Variants in SAMSN1 observed in about 807,000 individuals in gnomAD.
The protein encoded by SAMSN1 is SAM domain-containing protein SAMSN-1.
Under a neutral mutation model 42.0 loss-of-function variants are expected in SAMSN1, and 31 were observed. The observed-to-expected ratio is 0.74, with a 90% CI of 0.55 to 1.00. SAMSN1 has a LOEUF of 1.00. Among genes scored for constraint, SAMSN1 ranks in the 50% least tolerant of loss-of-function variants. SAMSN1 has a pLI of 0.00. For synonymous variants in SAMSN1, 178 were observed against 151.9 expected, an observed-to-expected ratio of 1.17 and a Z score of -1.26; for missense variants, 464 against 439.4, an observed-to-expected ratio of 1.06 and a Z score of -0.50.
intron 1 of SAMSN1, among the ~76,000 whole-genome samples, chr21:14,539,238 A>G (rs930414295): frequency 1.3e-5 from 2 of 152,244 alleles, no homozygotes; most frequent in African/African-American, 4.8e-5. Flanking sequence ...ACAATAAGAC[A>G]GGGATGCCCT....
intron 1 of SAMSN1, among the ~76,000 whole-genome samples, chr21:14,647,929 C>A (rs1039880024): frequency 6.6e-6 from 1 of 151,658 alleles, no homozygotes; most frequent in Non-Finnish European, 1.5e-5. Flanking sequence ...ATGTCGTCTG[C>A]GAACAGGGAC....
chr21:14,500,611 G>A lies in SAMSN1; in HGVS notation c.686C>T (p.Pro229Leu). 2 of 1,614,012 alleles carry A rather than the reference G, an allele frequency of 1.2e-6. No individual in the cohort carries two copies. The highest frequency in any genetic ancestry group is 1.1e-5 in the South Asian group (1 of 91,070). The change falls in exon 6 of 8, where the codon CCC (proline) becomes CTC (leucine). Residue 229 changes from proline to leucine, a missense_variant. Pro to Leu is a moderately conservative substitution (Grantham distance 98, BLOSUM62 -3). Coordinates refer to ENST00000400566, the MANE Select transcript of SAMSN1 (RefSeq NM_022136.5). ...VDVISEEEAA[P>L]KKIKANRRSN... ...CCTTCGGTTTGCCTTTATTTTCTTGGGGGCTGCTTCCTCTTCTGAGATGAC... is the reference window on the plus strand; with the variant it reads ...CCTTCGGTTTGCCTTTATTTTCTTGAGGGCTGCTTCCTCTTCTGAGATGAC...
intron 2 of SAMSN1, among the ~76,000 whole-genome samples, chr21:14,631,478 C>T (rs1354894990): frequency 6.6e-6 from 1 of 152,180 alleles, no homozygotes; most frequent in Non-Finnish European, 1.5e-5. Context: ...AGCGATTCTC[C>T]TGCCTCAGCC....
At chr21:14,506,440 C>CT (rs1480071562) in intron 5 of SAMSN1, among the ~76,000 whole-genome samples, 1 of 152,014 alleles carries the variant, frequency 6.6e-6, no homozygotes, top group Non-Finnish European at 1.5e-5. Flanking sequence ...ACTAGAAAAC[C>CT]TAGAAGACAT....
intron 4 of SAMSN1, among the ~76,000 whole-genome samples, chr21:14,611,047 T>C (rs9976672): frequency 0.017 from 2,544 of 152,224 alleles, 79 homozygotes; most frequent in African/African-American, 0.058. Flanking sequence ...TGCCTCAATT[T>C]CCCAAGTAGC....
intron 1 of SAMSN1, among the ~76,000 whole-genome samples, chr21:14,657,867 C>T (rs1432972920): frequency 6.6e-6 from 1 of 151,722 alleles, no homozygotes; most frequent in East Asian, 1.9e-4. Context: ...CTTAAAATGC[C>T]TCCTGTTTAG....
In SAMSN1 at chr21:14,485,803, T is replaced by C. The variant is rs534172727; in HGVS notation, c.*109A>G. 522 of 846,054 alleles carry C rather than the reference T, an allele frequency of 6.2e-4. 1 individual carries two copies. The South Asian group carries it at 7.9e-3, about 13-fold the overall frequency. The allele number at this position is 846,054 out of a possible 1,614,324, so 52.4% of individuals were successfully genotyped here. Reference sequence around the variant, plus strand: ...TATTCAGATTAAAACATTTAAACTTTAGGTTTTATTTACAAATATTTATCT... The same window carrying C: ...TATTCAGATTAAAACATTTAAACTTCAGGTTTTATTTACAAATATTTATCT... On this transcript the variant is annotated 3_prime_UTR_variant, in exon 8 of 8. Coordinates refer to ENST00000400566, the MANE Select transcript of SAMSN1 (RefSeq NM_022136.5).
intron 2 of SAMSN1, among the ~76,000 whole-genome samples, chr21:14,563,146 C>T (rs947685524): frequency 6.6e-6 from 1 of 152,172 alleles, no homozygotes. Context: ...CATTCTGATT[C>T]ATATTCTGCA....
At chr21:14,650,967 A>C (rs1247076865) in intron 1 of SAMSN1, among the ~76,000 whole-genome samples, 1 of 152,016 alleles carries the variant, frequency 6.6e-6, no homozygotes, top group Non-Finnish European at 1.5e-5. Flanking sequence ...ACCTACCAAG[A>C]TTGAACCAAG....
At chr21:14,530,042 C>A (rs1005797921) in intron 1 of SAMSN1, among the ~76,000 whole-genome samples, 2 of 152,064 alleles carry the variant, frequency 1.3e-5, no homozygotes, top group Non-Finnish European at 2.9e-5. Flanking sequence ...TCTGGCCGGG[C>A]GCAGTGGCTC....
intron 2 of SAMSN1, among the ~76,000 whole-genome samples, chr21:14,634,475 A>C (rs1324488827): frequency 6.6e-6 from 1 of 152,170 alleles, no homozygotes; most frequent in African/African-American, 2.4e-5. Context: ...CAAGAAAAAA[A>C]AATAAACAGC....
At chr21:14,628,096 TAAAAC>T (rs1031427017) in intron 2 of SAMSN1, among the ~76,000 whole-genome samples, 1 of 152,048 alleles carries the variant, frequency 6.6e-6, no homozygotes, top group African/African-American at 2.4e-5. Context: ...AAATATCAAT[TAAAAC>T]AAAGACAAAT....
At chr21:14,607,599 G>A (rs1192251308) in intron 5 of SAMSN1, among the ~76,000 whole-genome samples, 1 of 152,178 alleles carries the variant, frequency 6.6e-6, no homozygotes, top group Non-Finnish European at 1.5e-5. Context: ...AAATATCAAA[G>A]CTGGGAAAAA....
intron 6 of SAMSN1, among the ~76,000 whole-genome samples, chr21:14,600,947 A>G (rs913957828): frequency 6.6e-6 from 1 of 152,212 alleles, no homozygotes; most frequent in Non-Finnish European, 1.5e-5. Flanking sequence ...TTTTGAAAGT[A>G]TGTCTTAACT....
intron 2 of SAMSN1, among the ~76,000 whole-genome samples, chr21:14,575,844 TGTCTTTTTACTG>T (rs1213103788): frequency 1.3e-5 from 2 of 152,238 alleles, no homozygotes; most frequent in African/African-American, 4.8e-5. Context: ...CCTTACTCAC[TGTCTTTTTACTG>T]GTCCTCTCTA....
At chr21:14,635,867 T>G (rs904116185) in intron 2 of SAMSN1, among the ~76,000 whole-genome samples, 6 of 152,082 alleles carry the variant, frequency 3.9e-5, no homozygotes, top group African/African-American at 1.4e-4. Flanking sequence ...AGGGTACATG[T>G]GCACAACGTT....
intron 1 of SAMSN1, among the ~76,000 whole-genome samples, chr21:14,522,607 C>T (rs535501559): frequency 1.3e-5 from 2 of 152,194 alleles, no homozygotes; most frequent in Non-Finnish European, 2.9e-5. Context: ...TCCACTTTAC[C>T]ATAGGCTACT....
intron 1 of SAMSN1, among the ~76,000 whole-genome samples, chr21:14,525,983 GC>G (rs952804825): frequency 4.0e-5 from 6 of 151,792 alleles, no homozygotes; most frequent in African/African-American, 1.2e-4. Flanking sequence ...TCCTGCCTCA[GC>G]CCCCCCGAGT....
intron 1 of SAMSN1, among the ~76,000 whole-genome samples, chr21:14,649,572 C>A (rs1043201947): frequency 6.6e-6 from 1 of 152,026 alleles, no homozygotes; most frequent in Admixed American, 6.6e-5. Flanking sequence ...GAGTTTCAGA[C>A]CAGTCTGAAA....
Sources: gnomAD v4.1 joint callset for allele counts (sites outside exome capture counted in the v4.1 genomes callset) on GRCh38, gnomAD v4.1.1 for gene constraint, MANE v1.5 for transcripts, NCBI Gene and HGNC (gene_info 2026-07-23, HGNC 2026-07-21) for gene names.